Variants in DNAJC1 observed in about 807,000 individuals in gnomAD.
DNAJC1 encodes dnaJ homolog subfamily C member 1.
A neutral mutation model predicts 76.6 loss-of-function variants in DNAJC1; 58 were observed. The observed-to-expected ratio is 0.76, with a 90% CI of 0.61 to 0.94. DNAJC1 has a LOEUF of 0.94. DNAJC1 is among the 40% of genes least tolerant of loss of function. The probability of loss-of-function intolerance (pLI) is 0.00; values close to 1 mark genes in which losing one functional copy is unlikely to be tolerated. For synonymous variants in DNAJC1, 258 were observed against 267.9 expected (o/e 0.96, Z 0.36); for missense variants, 689 against 677.3 (o/e 1.02, Z -0.19).
intron 8 of DNAJC1, among the ~76,000 whole-genome samples, chr10:21,857,638 T>G (rs1306136974): frequency 6.6e-6 from 1 of 152,158 alleles, no homozygotes. Context: ...TGTATATGTA[T>G]CCATACCATC....
At chr10:21,999,537 C>T (rs1838482493) in intron 1 of DNAJC1, among the ~76,000 whole-genome samples, 1 of 140,056 alleles carries the variant, frequency 7.1e-6, no homozygotes. Context: ...CTCACTGCAA[C>T]CTCCGCCTCC....
intron 1 of DNAJC1, among the ~76,000 whole-genome samples, chr10:21,979,918 CTCCTATGACTTTTGCAGTCAAAAG>C (rs1282162230): frequency 7.0e-4 from 106 of 151,992 alleles, no homozygotes; most frequent in African/African-American, 2.3e-3. Flanking sequence ...CATATGTCTG[CTCCTATGACTTTTGCAGTCAAAAG>C]TCCTATGACT....
chr10:21,939,187 C>A (rs1448231930), intron 1 of DNAJC1, among the ~76,000 whole-genome samples: 9 of 152,156 alleles, frequency 5.9e-5, no homozygotes, highest in Admixed American at 5.9e-4. Flanking sequence ...CCGCTCCCGG[C>A]CCGCTCAAAG....
intron 1 of DNAJC1, among the ~76,000 whole-genome samples, chr10:21,994,643 T>C (rs1217244071): frequency 6.6e-6 from 1 of 151,720 alleles, no homozygotes; most frequent in Non-Finnish European, 1.5e-5. Flanking sequence ...AAAAAAAAAT[T>C]AGACAGGCAT....
At chr10:21,834,381 C>A (rs1698019327) in intron 8 of DNAJC1, among the ~76,000 whole-genome samples, 1 of 152,236 alleles carries the variant, frequency 6.6e-6, no homozygotes, top group African/African-American at 2.4e-5. Flanking sequence ...TGGTCTACAG[C>A]TACCAGCGTG....
chr10:21,776,679 CTA>C (rs1834457127), intron 9 of DNAJC1, among the ~76,000 whole-genome samples: 1 of 152,108 alleles, frequency 6.6e-6, no homozygotes, highest in Non-Finnish European at 1.5e-5. Flanking sequence ...TGTTATTTCT[CTA>C]ATGTCTTTAA....
At chr10:21,990,409 A>G (rs1838309444) in intron 1 of DNAJC1, among the ~76,000 whole-genome samples, 1 of 152,190 alleles carries the variant, frequency 6.6e-6, no homozygotes, top group Non-Finnish European at 1.5e-5. Context: ...GAGAAAATCA[A>G]CAAATAATTA....
intron 1 of DNAJC1, among the ~76,000 whole-genome samples, chr10:21,937,688 T>C (rs894909051): frequency 6.6e-6 from 1 of 152,138 alleles, no homozygotes; most frequent in Non-Finnish European, 1.5e-5. Context: ...ATAAGGAATA[T>C]TAGCCAAGAT....
intron 8 of DNAJC1, among the ~76,000 whole-genome samples, chr10:21,843,548 C>T (rs1430160952): frequency 1.3e-5 from 2 of 151,694 alleles, no homozygotes; most frequent in African/African-American, 2.4e-5. Context: ...CACGTGCCAC[C>T]ATGCCCAGCT....
intron 7 of DNAJC1, among the ~76,000 whole-genome samples, chr10:21,893,652 A>G (rs2131733716): frequency 6.6e-6 from 1 of 152,052 alleles, no homozygotes; most frequent in Non-Finnish European, 1.5e-5. Flanking sequence ...ATAAAATCAA[A>G]ATATATGAGA....
At chr10:21,929,464 A>G (rs1438602156) in intron 1 of DNAJC1, among the ~76,000 whole-genome samples, 1 of 152,216 alleles carries the variant, frequency 6.6e-6, no homozygotes, top group Non-Finnish European at 1.5e-5. Flanking sequence ...GAGATCAAAA[A>G]GAAACAAATT....
At chr10:21,994,748 G>A (rs1358998700) in intron 1 of DNAJC1, among the ~76,000 whole-genome samples, 1 of 151,958 alleles carries the variant, frequency 6.6e-6, no homozygotes, top group Non-Finnish European at 1.5e-5. Flanking sequence ...CCGAGATCGC[G>A]CCACTGCACT....
chr10:21,819,246 C>G (rs1289378113), intron 8 of DNAJC1, among the ~76,000 whole-genome samples: 2 of 152,006 alleles, frequency 1.3e-5, no homozygotes. Context: ...ACTAAAAATA[C>G]AAAAATTAGC....
chr10:21,910,402 G>A (rs564481321), intron 6 of DNAJC1, among the ~76,000 whole-genome samples: 23 of 152,180 alleles, frequency 1.5e-4, no homozygotes, highest in African/African-American at 4.3e-4. Context: ...CACCGCACCC[G>A]GACACCCTTT....
intron 8 of DNAJC1, among the ~76,000 whole-genome samples, chr10:21,811,688 A>G (rs1239545668): frequency 6.6e-6 from 1 of 152,198 alleles, no homozygotes; most frequent in Non-Finnish European, 1.5e-5. Context: ...CTGTCTATCC[A>G]TTCTCCTATT....
chr10:21,831,549 G>T (rs973525277), intron 8 of DNAJC1, among the ~76,000 whole-genome samples: 1 of 152,166 alleles, frequency 6.6e-6, no homozygotes, highest in African/African-American at 2.4e-5. Context: ...CCAGCACTTT[G>T]GGAGGCTGAG....
chr10:21,814,317 T>C (rs1251093429), intron 8 of DNAJC1, among the ~76,000 whole-genome samples: 1 of 152,178 alleles, frequency 6.6e-6, no homozygotes, highest in African/African-American at 2.4e-5. Context: ...GTTAGGGGAC[T>C]TCCTTGCCAT....
intron 7 of DNAJC1, among the ~76,000 whole-genome samples, chr10:21,894,075 C>T (rs1836501427): frequency 6.6e-6 from 1 of 152,130 alleles, no homozygotes; most frequent in African/African-American, 2.4e-5. Context: ...GCTCAAAAAA[C>T]ACAAACTATC....
rs865983494 is a variant in DNAJC1, at chr10:21,930,976, T to C, written c.223-1835A>G. ...TAATACATGTTCACTACAGAACATT[T>C]CTTACTTAAAAATAAAAACAACTAA... On this transcript the variant is annotated intron_variant, in intron 1 of 11. Transcript: ENST00000376980. Among the ~76,000 whole-genome samples, 9 of 152,200 alleles carry C rather than the reference T, an allele frequency of 5.9e-5. No homozygotes were observed. The South Asian group carries it at 1.9e-3, about 31-fold the overall frequency.
Sources: allele counts gnomAD v4.1 joint callset (sites outside exome capture counted in the v4.1 genomes callset), GRCh38; gene constraint gnomAD v4.1.1; transcripts MANE v1.5; gene names NCBI Gene and HGNC (gene_info 2026-07-23, HGNC 2026-07-21).